Variants in GLIS3 observed in about 807,000 individuals in gnomAD.
The protein encoded by GLIS3 is GLIS family zinc finger 3.
GLIS3 carries 53 observed loss-of-function variants against 78.6 expected under a neutral mutation model. The ratio of observed to expected loss-of-function variants is 0.67; its 90% CI spans 0.54 to 0.85. The LOEUF (loss-of-function observed/expected upper bound fraction) is 0.85, where lower values mean the gene tolerates loss of function less well. Ranked by LOEUF, GLIS3 falls within the 40% of genes least tolerant of loss-of-function variation. The probability of loss-of-function intolerance (pLI) is 0.00; values close to 1 mark genes in which losing one functional copy is unlikely to be tolerated. For synonymous variants in GLIS3, 684 were observed against 509.9 expected (o/e 1.34, Z -4.60); for missense variants, 1,703 against 1,231.1 (o/e 1.38, Z -5.74).
At chr9:3,829,715 T>C (rs1173352038) in intron 9 of GLIS3, among the ~76,000 whole-genome samples, 1 of 152,198 alleles carries the variant, frequency 6.6e-6, no homozygotes, top group African/African-American at 2.4e-5. Flanking sequence ...GTAATGTTTT[T>C]ATTATGTGCT....
At chr9:4,294,361 T>C (rs1382530682) in intron 1 of GLIS3, among the ~76,000 whole-genome samples, 1 of 152,054 alleles carries the variant, frequency 6.6e-6, no homozygotes, top group African/African-American at 2.4e-5. Context: ...AATACAAAAT[T>C]AGCCAGGCAT....
chr9:3,957,345 C>G (rs931104432), intron 4 of GLIS3, among the ~76,000 whole-genome samples: 4 of 152,226 alleles, frequency 2.6e-5, no homozygotes, highest in African/African-American at 9.6e-5. Context: ...TTGCTTTCAC[C>G]TTTATAATTG....
intron 4 of GLIS3, among the ~76,000 whole-genome samples, chr9:3,945,673 T>A (rs922367681): frequency 6.6e-6 from 1 of 152,204 alleles, no homozygotes; most frequent in African/African-American, 2.4e-5. Flanking sequence ...GGCAATATTT[T>A]TGTATTAAAA....
intron 4 of GLIS3, among the ~76,000 whole-genome samples, chr9:4,075,016 A>G (rs1028873047): frequency 6.6e-6 from 1 of 152,122 alleles, no homozygotes. Context: ...CAACAGACGT[A>G]CTCACCAAAT....
upstream of GLIS3, among the ~76,000 whole-genome samples, chr9:4,303,924 T>G (rs996281679): frequency 1.1e-4 from 16 of 152,232 alleles, no homozygotes; most frequent in African/African-American, 3.6e-4. Flanking sequence ...CAACTATATG[T>G]GATGTTGTAA....
rs1029784328 is a variant in GLIS3 at position 4,286,094 on chromosome 9, G to T, written c.332C>A (p.Thr111Asn). ...TQAGGMSGSH[T>N]LKPKQQEFGS... ...AAACTCCTGCTGCTTTGGCTTTAAA[G>T]TATGTGACCCTGACATGCCTCCAGC... The change falls in exon 2 of 11, where the codon ACT becomes AAT. Residue 111 changes from threonine (T) to asparagine (N), a missense_variant. Transcript: ENST00000381971. 2 of 1,613,474 alleles carry T rather than the reference G, an allele frequency of 1.2e-6. No homozygotes were observed. The highest frequency in any genetic ancestry group is 1.7e-6 in the Non-Finnish European group (2 of 1,179,644).
the GLIS3 span, among the ~76,000 whole-genome samples, chr9:4,373,464 G>A: frequency 2.6e-5 from 4 of 152,096 alleles, no homozygotes; most frequent in Non-Finnish European, 4.4e-5. Flanking sequence ...ATCCAGCATT[G>A]GGGAACAAAC....
intron 4 of GLIS3, among the ~76,000 whole-genome samples, chr9:4,090,723 C>T (rs747790557): frequency 6.6e-6 from 1 of 152,206 alleles, no homozygotes; most frequent in Non-Finnish European, 1.5e-5. Flanking sequence ...GTAGCTCCCT[C>T]ATAAGGCCCA....
At chr9:4,024,464 A>C (rs1448452754) in intron 4 of GLIS3, among the ~76,000 whole-genome samples, 1 of 152,232 alleles carries the variant, frequency 6.6e-6, no homozygotes, top group Non-Finnish European at 1.5e-5. Flanking sequence ...AAGGTAGCAG[A>C]CACAGATGGG....
the GLIS3 span, among the ~76,000 whole-genome samples, chr9:4,403,832 G>A: frequency 1.3e-5 from 2 of 151,824 alleles, no homozygotes; most frequent in Non-Finnish European, 2.9e-5. Flanking sequence ...GCAAAACAAC[G>A]AGAAAACAAA....
intron 2 of GLIS3, among the ~76,000 whole-genome samples, chr9:4,257,392 A>C (rs1825062945): frequency 6.6e-6 from 1 of 152,228 alleles, no homozygotes; most frequent in Non-Finnish European, 1.5e-5. Flanking sequence ...AAACAAGTCT[A>C]GAGTCTAACA....
the GLIS3 span, among the ~76,000 whole-genome samples, chr9:4,398,556 T>C: frequency 4.8e-4 from 73 of 152,158 alleles, no homozygotes; most frequent in African/African-American, 1.7e-3. Context: ...CACCCCCTGC[T>C]CCAGCTCAAT....
At position 4,259,987 on chromosome 9, in the gene GLIS3, G is replaced by T. The variant is rs180916760; in HGVS notation, c.388+26051C>A. Among the ~76,000 whole-genome samples the T allele has an allele frequency of 2.0e-5, 3 of 152,314 alleles. No homozygotes were observed. The East Asian group carries it at 5.8e-4, about 29-fold the overall frequency. ...TGTGTAAGCCCTAGACTTCCAAGAA[G>T]TGGGGAAATTTAAGCAAGGGAGATG... On this transcript the variant is annotated intron_variant, in intron 2 of 10. Coordinates refer to ENST00000381971, the MANE Select transcript of GLIS3 (RefSeq NM_001042413.2).
chr9:4,334,800 G>C (rs1267453300), intron 2 of GLIS3, among the ~76,000 whole-genome samples: 1 of 151,424 alleles, frequency 6.6e-6, no homozygotes, highest in Non-Finnish European at 1.5e-5. Flanking sequence ...AGGCCATTTT[G>C]TACTCTGACC....
At chr9:4,270,399 T>C (rs1454743553) in intron 2 of GLIS3, among the ~76,000 whole-genome samples, 1 of 152,208 alleles carries the variant, frequency 6.6e-6, no homozygotes, top group African/African-American at 2.4e-5. Flanking sequence ...TGGTCAGCAA[T>C]CTGAGCATGG....
intron 2 of GLIS3, among the ~76,000 whole-genome samples, chr9:4,345,290 A>G (rs1353926814): frequency 1.3e-5 from 2 of 152,204 alleles, no homozygotes; most frequent in Admixed American, 1.3e-4. Flanking sequence ...ATTTTTGCTC[A>G]AATGCCACCT....
chr9:4,098,907 A>G (rs1830157341), intron 4 of GLIS3, among the ~76,000 whole-genome samples: 1 of 152,210 alleles, frequency 6.6e-6, no homozygotes, highest in Non-Finnish European at 1.5e-5. Context: ...TCCAGGTCTC[A>G]ATGTGTTGAT....
chr9:3,927,209 G>GTA (rs1825316505), intron 6 of GLIS3, among the ~76,000 whole-genome samples: 1 of 152,224 alleles, frequency 6.6e-6, no homozygotes, highest in South Asian at 2.1e-4. Flanking sequence ...CACGCAGTAA[G>GTA]TACTCAATAA....
intron 5 of GLIS3, among the ~76,000 whole-genome samples, chr9:3,935,578 G>C (rs372927376): frequency 9.4e-4 from 143 of 152,232 alleles, no homozygotes; most frequent in African/African-American, 3.0e-3. Flanking sequence ...TAACTAGCTG[G>C]AGTAGAAGCA....
Sources: gnomAD v4.1 joint callset for allele counts (sites outside exome capture counted in the v4.1 genomes callset) on GRCh38, gnomAD v4.1.1 for gene constraint, MANE v1.5 for transcripts, NCBI Gene and HGNC (gene_info 2026-07-23, HGNC 2026-07-21) for gene names.